The following ZNF678 variants were observed in gnomAD, a reference collection of about 807,000 sequenced individuals.
The protein encoded by ZNF678 is hypothetical protein MGC42493.
A neutral mutation model predicts 3.0 loss-of-function variants in ZNF678; 5 were observed. That is an observed-to-expected ratio of 1.69 (90% CI 0.88 to 3.56). ZNF678 has a LOEUF of 3.56. Among genes scored for constraint, ZNF678 ranks in the 30% most tolerant of loss-of-function variants. ZNF678 has a pLI of 0.00. For missense variants in ZNF678, 593 were observed against 605.0 expected (o/e 0.98, Z 0.21); for synonymous variants, 218 against 199.6 (o/e 1.09, Z -0.78).
In ZNF678 at chr1:227,646,540, C is replaced by T. The variant is rs764669344; in HGVS notation, c.-163-4C>T. ...AAATACGTGTGTATTTTTCCCCCCC[C>T]CAGGGACTACTGGCATTCAGTGATG... On this transcript the variant is annotated splice_region_variant and splice_polypyrimidine_tract_variant and intron_variant, in intron 1 of 3. Transcript: ENST00000343776. 2 of 1,370,494 alleles carry T rather than the reference C, an allele frequency of 1.5e-6. No individual in the cohort carries two copies. Among genetic ancestry groups the T allele is most frequent in the East Asian group, 9.1e-5 (2 of 22,056 alleles). 84.9% of individuals were successfully genotyped at this position (1,370,494 alleles called of 1,614,324 possible).
chr1:227,670,605 G>C (rs1208159978), intron 5 of ZNF678, among the ~76,000 whole-genome samples: 1 of 152,168 alleles, frequency 6.6e-6, no homozygotes, highest in East Asian at 1.9e-4. Flanking sequence ...AGCAGGTCCT[G>C]CATGTCTGTG....
chr1:227,639,468 T>C (rs567461557), intron 1 of ZNF678, among the ~76,000 whole-genome samples: 1 of 152,284 alleles, frequency 6.6e-6, no homozygotes, highest in South Asian at 2.1e-4. Flanking sequence ...CAGGGTTGGA[T>C]TGGGAGATGA....
At chr1:227,625,282 C>G (rs1658382197) in intron 1 of ZNF678, among the ~76,000 whole-genome samples, 3 of 152,138 alleles carry the variant, frequency 2.0e-5, no homozygotes, top group Admixed American at 2.0e-4. Context: ...CTCAGTACCC[C>G]CTCTCAACAG....
At chr1:227,626,685 C>G (rs544441996) in intron 1 of ZNF678, among the ~76,000 whole-genome samples, 1 of 152,152 alleles carries the variant, frequency 6.6e-6, no homozygotes, top group South Asian at 2.1e-4. Flanking sequence ...CAGAGCAAAC[C>G]ATGCGAGGTG....
chr1:227,667,108 AT>A (rs1462856121), downstream of ZNF678, among the ~76,000 whole-genome samples: 2 of 150,978 alleles, frequency 1.3e-5, no homozygotes, highest in African/African-American at 4.9e-5. Flanking sequence ...CAGTGGAGTG[AT>A]TTTGGCTCAC....
In ZNF678 at chr1:227,655,933, C is replaced by T. The variant is rs578152047; in HGVS notation, c.*105C>T. ...TTCACAAAATGTAAGCTTCAGAGTG[C>T]ACAACACTATACTGAATGAAATTTA... On this transcript the variant is annotated 3_prime_UTR_variant, in exon 4 of 4. Transcript: ENST00000343776. The T allele has an allele frequency of 5.6e-5, 52 of 928,326 alleles. No homozygotes were observed. In the South Asian group the frequency reaches 8.5e-4, roughly 15 times the overall value. The allele number at this position is 928,326 out of a possible 1,614,324, so 57.5% of individuals were successfully genotyped here.
rs1416075257 is a variant in ZNF678 at position 227,654,588 on chromosome 1, C to T, written c.338C>T (p.Thr113Ile). 3.1e-6 allele frequency: 5 copies of T among 1,613,274 alleles called. No homozygotes were observed. The highest frequency in any genetic ancestry group is 4.2e-6 in the Non-Finnish European group (5 of 1,179,608). Residue 113 changes from threonine (T) to isoleucine (I), a missense_variant, in exon 4 of 4, where the codon ACT becomes ATT. Transcript: ENST00000343776. ...AATTTTAGCTGGAGGTCAATCCTTA[C>T]TGAACATAAGAGAATTCATACTGGA... ...GRNFSWRSILTEHKRIHTGEK... is the reference protein window; with the variant it reads ...GRNFSWRSILIEHKRIHTGEK...
chr1:227,668,780 G>A (rs1413861891), intron 5 of ZNF678, among the ~76,000 whole-genome samples: 1 of 152,042 alleles, frequency 6.6e-6, no homozygotes, highest in African/African-American at 2.4e-5. Flanking sequence ...TCTGCATATT[G>A]CCAGCCAGTT....
intron 1 of ZNF678, among the ~76,000 whole-genome samples, chr1:227,639,933 A>G (rs1017085364): frequency 6.6e-6 from 1 of 152,206 alleles, no homozygotes; most frequent in Non-Finnish European, 1.5e-5. Flanking sequence ...TCTTTTGTTA[A>G]TTTGAGAGAG....
At chr1:227,672,914 CTG>C (rs906513561) in intron 5 of ZNF678, among the ~76,000 whole-genome samples, 1 of 152,166 alleles carries the variant, frequency 6.6e-6, no homozygotes, top group Non-Finnish European at 1.5e-5. Flanking sequence ...TTAAAGATAA[CTG>C]TGGTTTTCTA....
intron 1 of ZNF678, among the ~76,000 whole-genome samples, chr1:227,636,537 C>T (rs980942254): frequency 2.0e-4 from 31 of 152,184 alleles, no homozygotes; most frequent in African/African-American, 7.0e-4. Context: ...AGTGCAATAA[C>T]CCCATGAATC....
intron 5 of ZNF678, among the ~76,000 whole-genome samples, chr1:227,667,513 C>T (rs1659524961): frequency 6.6e-6 from 1 of 152,166 alleles, no homozygotes; most frequent in African/African-American, 2.4e-5. Context: ...CTGGCATCTA[C>T]AATTTTGCTG....
At chr1:227,632,437 A>C (rs1404750425) in intron 1 of ZNF678, among the ~76,000 whole-genome samples, 1 of 152,150 alleles carries the variant, frequency 6.6e-6, no homozygotes, top group East Asian at 1.9e-4. Context: ...GGGCACATGC[A>C]TGGGCGACTG....
Position 227,660,995 on chromosome 1 carries a change from T to C in ZNF678, c.*5167T>C, listed in dbSNP as rs941626323. On this transcript the variant is annotated 3_prime_UTR_variant, in exon 4 of 4. Coordinates refer to ENST00000343776, the MANE Select transcript of ZNF678 (RefSeq NM_001367909.1). ...CTGAGATCCTTCATCTTTCTCAGAA[T>C]CTAGGAGGATGCATCTGTACCTAGA... The C allele has an allele frequency of 1.3e-5, 2 of 152,184 alleles. No homozygotes were observed. Among genetic ancestry groups the C allele is most frequent in the East Asian group, 3.9e-4 (2 of 5,188 alleles). The allele number at this position is 152,184 out of a possible 1,614,324, so 9.4% of individuals were successfully genotyped here.
intron 5 of ZNF678, chr1:227,677,048 G>C (rs1458204219): frequency 6.6e-6 from 1 of 152,154 alleles, no homozygotes; most frequent in Non-Finnish European, 1.5e-5. Flanking sequence ...GTAATGGGAT[G>C]GCTGGGTCAA....
intron 1 of ZNF678, among the ~76,000 whole-genome samples, chr1:227,613,767 T>G (rs1479506645): frequency 6.6e-6 from 1 of 152,186 alleles, no homozygotes; most frequent in African/African-American, 2.4e-5. Flanking sequence ...AACTCTGTAC[T>G]GGGAGCCTTC....
chr1:227,589,490 A>G (rs1657352207), intron 1 of ZNF678, among the ~76,000 whole-genome samples: 1 of 151,654 alleles, frequency 6.6e-6, no homozygotes, highest in African/African-American at 2.4e-5. Flanking sequence ...CTCCTCAGAC[A>G]CTGAGTTAAA....
At chr1:227,635,217 T>C (rs10916187) in intron 1 of ZNF678, among the ~76,000 whole-genome samples, 2 of 151,560 alleles carry the variant, frequency 1.3e-5, no homozygotes, top group African/African-American at 4.9e-5. Context: ...GCACATCTTT[T>C]AAAAAGCTAA....
downstream of ZNF678, among the ~76,000 whole-genome samples, chr1:227,666,195 G>A (rs1426304495): frequency 1.3e-5 from 2 of 152,124 alleles, no homozygotes; most frequent in Non-Finnish European, 2.9e-5. Context: ...GAATATTGGA[G>A]GATTTGCCTC....
Sources: gnomAD v4.1 joint callset for allele counts (sites outside exome capture counted in the v4.1 genomes callset) on GRCh38, gnomAD v4.1.1 for gene constraint, MANE v1.5 for transcripts, NCBI Gene and HGNC (gene_info 2026-07-23, HGNC 2026-07-21) for gene names.